The following FOXN3 variants were observed in gnomAD, a reference collection of about 807,000 sequenced individuals.
FOXN3 encodes forkhead box protein N3.
Under a neutral mutation model 38.4 loss-of-function variants are expected in FOXN3, and 7 were observed. The observed-to-expected ratio is 0.18, with a 90% CI of 0.10 to 0.34. FOXN3 has a LOEUF of 0.34. Among genes scored for constraint, FOXN3 ranks in the 10% least tolerant of loss-of-function variants. The probability of loss-of-function intolerance (pLI) is 1.00; values close to 1 mark genes in which losing one functional copy is unlikely to be tolerated. For missense variants in FOXN3, 456 were observed against 613.4 expected (o/e 0.74, Z 2.71); for synonymous variants, 230 against 242.2 (o/e 0.95, Z 0.47).
chr14:89,413,818 GGAAAA>G (rs1465726606), intron 1 of FOXN3, among the ~76,000 whole-genome samples: 1 of 143,508 alleles, frequency 7.0e-6, no homozygotes, highest in Non-Finnish European at 1.5e-5. Context: ...GAAAGAGAAG[GGAAAA>G]GGAAGGGAAG....
intron 3 of FOXN3, among the ~76,000 whole-genome samples, chr14:89,318,957 T>C (rs1480732476): frequency 6.6e-6 from 1 of 152,190 alleles, no homozygotes; most frequent in Non-Finnish European, 1.5e-5. Context: ...AGAGAAGCTA[T>C]TGCAGGGAGT....
intron 1 of FOXN3, among the ~76,000 whole-genome samples, chr14:89,456,437 G>T (rs973486317): frequency 1.3e-5 from 2 of 151,992 alleles, no homozygotes; most frequent in East Asian, 3.9e-4. Flanking sequence ...CATAGTAGGT[G>T]CCCAATAAGT....
chr14:89,369,487 A>G (rs1333972315), intron 2 of FOXN3, among the ~76,000 whole-genome samples: 1 of 152,210 alleles, frequency 6.6e-6, no homozygotes, highest in Admixed American at 6.5e-5. Context: ...TCCTACAGAT[A>G]AGGAAAGGTT....
intron 2 of FOXN3, among the ~76,000 whole-genome samples, chr14:89,391,861 G>A (rs1453147389): frequency 2.0e-5 from 3 of 152,132 alleles, no homozygotes; most frequent in Non-Finnish European, 4.4e-5. Context: ...AAAGAAATTA[G>A]CCAGGCATGG....
At chr14:89,502,613 G>A (rs1397773125) in intron 1 of FOXN3, among the ~76,000 whole-genome samples, 4 of 152,084 alleles carry the variant, frequency 2.6e-5, no homozygotes, top group East Asian at 1.9e-4. Context: ...TCTTCTTAGC[G>A]GTGCATAAAA....
rs912039028 is a variant in FOXN3, at chr14:89,354,205, G to A, written c.544-3397C>T. Among the ~76,000 whole-genome samples, 8 of 152,024 alleles carry A rather than the reference G, an allele frequency of 5.3e-5. No individual in the cohort carries two copies. The South Asian group carries it at 1.0e-3, about 20-fold the overall frequency. On this transcript the variant is annotated intron_variant, in intron 2 of 5. Transcript: ENST00000557258. ...CATCTCATCTGAAGACAAGAATATG[G>A]AATGCTTTTTTTGTTTGGTTTTTTT...
At chr14:89,398,143 G>T (rs900538259) in intron 2 of FOXN3, among the ~76,000 whole-genome samples, 1 of 152,134 alleles carries the variant, frequency 6.6e-6, no homozygotes, top group Non-Finnish European at 1.5e-5. Context: ...CAATCCCCTG[G>T]CAACTGGCAG....
intron 2 of FOXN3, among the ~76,000 whole-genome samples, chr14:89,378,083 G>A (rs929760024): frequency 2.0e-5 from 3 of 152,202 alleles, no homozygotes; most frequent in African/African-American, 7.2e-5. Flanking sequence ...ACCAGGCTGT[G>A]GTACTTTGTT....
At chr14:89,336,216 C>A (rs866103667) in intron 3 of FOXN3, among the ~76,000 whole-genome samples, 4 of 143,036 alleles carry the variant, frequency 2.8e-5, no homozygotes, top group African/African-American at 1.0e-4. Flanking sequence ...CTAACGGTGC[C>A]TCCATCCATC....
chr14:89,411,883 T>A, intron 2 of FOXN3, 51 bp downstream of exon 2: 1 of 1,220,232 alleles, frequency 8.2e-7, no homozygotes, highest in East Asian at 2.8e-5. Context: ...AGAAAAATTT[T>A]AAATTAAAAA....
intron 1 of FOXN3, among the ~76,000 whole-genome samples, chr14:89,586,199 T>C (rs917288805): frequency 3.3e-5 from 5 of 151,978 alleles, no homozygotes; most frequent in Non-Finnish European, 7.4e-5. Flanking sequence ...GAATGAATGA[T>C]AGAATAAATG....
chr14:89,193,215 C>G (rs1026057361), intron 4 of FOXN3, among the ~76,000 whole-genome samples: 1 of 151,992 alleles, frequency 6.6e-6, no homozygotes, highest in Admixed American at 6.5e-5. Flanking sequence ...AAGTTTTTCT[C>G]GGTGGCCAGG....
chr14:89,445,848 A>G (rs1892481048), intron 1 of FOXN3, among the ~76,000 whole-genome samples: 3 of 151,600 alleles, frequency 2.0e-5, no homozygotes, highest in Admixed American at 2.0e-4. Flanking sequence ...TGGGAGGCCC[A>G]GGTGGTGGAA....
chr14:89,583,041 G>T (rs961849279), intron 1 of FOXN3, among the ~76,000 whole-genome samples: 8 of 152,078 alleles, frequency 5.3e-5, no homozygotes, highest in African/African-American at 1.9e-4. Flanking sequence ...TTCCAGTTTG[G>T]TGTTATTGTA....
At chr14:89,194,864 G>GAC (rs1053009813) in intron 4 of FOXN3, among the ~76,000 whole-genome samples, 10 of 151,966 alleles carry the variant, frequency 6.6e-5, no homozygotes, top group Non-Finnish European at 8.8e-5. Flanking sequence ...GAAAAACTAA[G>GAC]ACACACACAC....
At chr14:89,465,132 G>A (rs551550256) in intron 1 of FOXN3, among the ~76,000 whole-genome samples, 41 of 152,320 alleles carry the variant, frequency 2.7e-4, no homozygotes, top group African/African-American at 9.9e-4. Flanking sequence ...TGCCATGATT[G>A]TAAGTTTCCT....
intron 4 of FOXN3, among the ~76,000 whole-genome samples, chr14:89,255,212 T>C (rs1885579418): frequency 6.6e-6 from 1 of 152,200 alleles, no homozygotes; most frequent in Admixed American, 6.5e-5. Flanking sequence ...CATTAACACT[T>C]CTTTCAACAC....
chr14:89,374,958 C>A, intron 2 of FOXN3, among the ~76,000 whole-genome samples: 1 of 141,840 alleles, frequency 7.1e-6, no homozygotes, highest in African/African-American at 2.7e-5. Flanking sequence ...GCCTGAGTGA[C>A]AGAGTGAGAC....
chr14:89,368,938 G>A (rs557504895), intron 2 of FOXN3, among the ~76,000 whole-genome samples: 4 of 152,110 alleles, frequency 2.6e-5, no homozygotes, highest in Non-Finnish European at 5.9e-5. Context: ...GGAAGCATAG[G>A]GGAAAAGATC....
Sources: allele counts gnomAD v4.1 joint callset (sites outside exome capture counted in the v4.1 genomes callset), GRCh38; gene constraint gnomAD v4.1.1; transcripts MANE v1.5; gene names NCBI Gene and HGNC (gene_info 2026-07-23, HGNC 2026-07-21).